Variants in FBXO7 observed in about 807,000 individuals in gnomAD.
The protein encoded by FBXO7 is F-box only protein 7.
In FBXO7, 31 loss-of-function variants were observed where a neutral mutation model predicts 50.2. The observed-to-expected ratio is 0.62, with a 90% confidence interval of 0.46 to 0.83. The LOEUF is 0.83. FBXO7 is among the 40% of genes least tolerant of loss of function. The pLI, the probability that FBXO7 is intolerant of heterozygous loss-of-function variation, is 0.00. For synonymous variants in FBXO7, 256 were observed against 253.1 expected, an observed-to-expected ratio of 1.01 and a Z score of -0.11; for missense variants, 667 against 646.6, an observed-to-expected ratio of 1.03 and a Z score of -0.34.
At position 32,493,350 on chromosome 22, in the gene FBXO7, T is replaced by C; in HGVS notation, c.1144+69T>C. On this transcript the variant is annotated intron_variant, in intron 7 of 8. Coordinates refer to ENST00000266087, the MANE Select transcript of FBXO7 (RefSeq NM_012179.4). ...TCTTGATTACTCAGCTCACCAAAAG[T>C]TTTTAGTTGTAGGATTTTTCTGTTG... 2.2e-6 allele frequency: 3 copies of C among 1,350,202 alleles called. No homozygotes were observed. In the East Asian group the frequency reaches 6.9e-5, roughly 31 times the overall value. 83.6% of individuals were successfully genotyped at this position (1,350,202 alleles called of 1,614,324 possible).
At position 32,491,148 on chromosome 22, in the gene FBXO7, C is replaced by T; in HGVS notation, c.934C>T (p.Leu312=). ...QKLSRLFKDQ[L]VYPLLAFTRQ... The stretch of plus-strand genomic sequence containing the variant: ...ACTCTCTCGCCTCTTTAAAGACCAG[C>T]TGGTGTATCCTCTTCTGGCTTTTAC... Residue 312 remains leucine, a synonymous_variant, in exon 6 of 9, where the codon CTG becomes TTG. Transcript: ENST00000266087. 1 of 1,612,678 alleles carries T rather than the reference C, an allele frequency of 6.2e-7. No individual in the cohort carries two copies. The highest frequency in any genetic ancestry group is 8.5e-7 in the Non-Finnish European group (1 of 1,178,796).
rs11392505 is a variant in FBXO7 at position 32,481,882 on chromosome 22, C to CTT, written c.418-2006_418-2005dup. On this transcript the variant is annotated intron_variant, in intron 2 of 8. Transcript: ENST00000266087. ...CTGTTTAGAGAGGTGTGGTGCTCAC[C>CTT]TTTTTTTTTTCATTTTTACACATGT... 2.3e-3 allele frequency among the ~76,000 whole-genome samples: 335 copies of CTT among 148,318 alleles called. 1 individual carries two copies. Among genetic ancestry groups the CTT allele is most frequent in the South Asian group, 0.017 (78 of 4,708 alleles).
rs770191156 is a variant in FBXO7 at position 32,487,728 on chromosome 22, CTTTT to C, written c.788-16_788-13del. The C allele has an allele frequency of 5.2e-6, 8 of 1,544,346 alleles. No individual in the cohort carries two copies. The highest frequency in any genetic ancestry group is 1.7e-4 in the Middle Eastern group (1 of 5,926). On this transcript the variant is annotated splice_polypyrimidine_tract_variant and intron_variant, in intron 4 of 8. Coordinates refer to ENST00000266087, the MANE Select transcript of FBXO7 (RefSeq NM_012179.4). The stretch of plus-strand genomic sequence containing the variant: ...AGTGACAGAATTCTTTATCATCTTT[CTTTT>C]GTTTATTTACAGCTACACTAAAAAT...
intron 7 of FBXO7, among the ~76,000 whole-genome samples, chr22:32,494,107 T>TAG (rs1555884460): frequency 8.3e-6 from 1 of 120,862 alleles, no homozygotes; most frequent in African/African-American, 3.2e-5. Context: ...ATAGCTCCCT[T>TAG]AAAAAAAAAA....
chr22:32,479,399 T>TC, intron 2 of FBXO7, 124 bp downstream of exon 2: 1 of 882,500 alleles, frequency 1.1e-6, no homozygotes, highest in South Asian at 1.8e-5. Flanking sequence ...ATATATTTTT[T>TC]TCTTTTTTTT....
Position 32,485,111 on chromosome 22 carries a change from T to G in FBXO7, c.689T>G (p.Leu230Trp). Residue 230 changes from leucine (L) to tryptophan (W), a missense_variant, in exon 4 of 9, where the codon TTG becomes TGG. Leu to Trp is a moderately conservative substitution (Grantham distance 61). Coordinates refer to ENST00000266087, the MANE Select transcript of FBXO7 (RefSeq NM_012179.4). ...KALSMPEKWK[L>W]SGVYKLQYMH... ...CTGTCCATGCCGGAGAAGTGGAAGTTGAGCGGGGTGTATAAGCTGCAGTAC... is the reference window on the plus strand; with the variant it reads ...CTGTCCATGCCGGAGAAGTGGAAGTGGAGCGGGGTGTATAAGCTGCAGTAC... 6.2e-7 allele frequency: 1 copy of G among 1,614,222 alleles called. No individual in the cohort carries two copies. Among genetic ancestry groups the G allele is most frequent in the Non-Finnish European group, 8.5e-7 (1 of 1,180,034 alleles).
chr22:32,483,379 G>T (rs1335647707), intron 2 of FBXO7, among the ~76,000 whole-genome samples: 1 of 152,178 alleles, frequency 6.6e-6, no homozygotes, highest in Non-Finnish European at 1.5e-5. Context: ...GTTTATGTTG[G>T]GGAGGTACTG....
In FBXO7 at chr22:32,498,012, T is replaced by G. The variant is rs2146008633; in HGVS notation, c.1183-132T>G. 6.0e-6 allele frequency: 6 copies of G among 1,000,416 alleles called. No homozygotes were observed. In the South Asian group the frequency reaches 9.0e-5, roughly 15 times the overall value. 62.0% of individuals were successfully genotyped at this position (1,000,416 alleles called of 1,614,324 possible). On this transcript the variant is annotated intron_variant, in intron 8 of 8. Coordinates refer to ENST00000266087, the MANE Select transcript of FBXO7 (RefSeq NM_012179.4). ...ATTTGTGTGACTTGGTTTATTGCAT[T>G]GGTTTGGGACTAAATCCACAATATG... is the stretch of plus-strand genomic sequence containing the variant.
intron 2 of FBXO7, 126 bp downstream of exon 2, chr22:32,479,401 CTTTTTTTTTTTT>C: frequency 1.7e-6 from 1 of 572,602 alleles, no homozygotes; most frequent in Non-Finnish European, 2.7e-6. Flanking sequence ...ATATTTTTTT[CTTTTTTTTTTTT>C]TTTGAGACAG....
Position 32,483,915 on chromosome 22 carries a change from T to C in FBXO7, c.436T>C (p.Phe146Leu). The stretch of plus-strand genomic sequence containing the variant: ...TTTTCAGTTAGGGCCTAGTCAAAAT[T>C]TTGAAGCTGAGTCAATTCAAGATAA... ...DDSMLGPSQNFEAESIQDNAH... is the reference protein window; with the variant it reads ...DDSMLGPSQNLEAESIQDNAH... Residue 146 changes from phenylalanine to leucine, a missense_variant, in exon 3 of 9, where the codon TTT becomes CTT. Coordinates refer to ENST00000266087, the MANE Select transcript of FBXO7 (RefSeq NM_012179.4). 1 of 1,614,176 alleles carries C rather than the reference T, an allele frequency of 6.2e-7. No individual in the cohort carries two copies. The highest frequency in any genetic ancestry group is 1.1e-5 in the South Asian group (1 of 91,090).
chr22:32,497,528 C>T (rs918205415), intron 8 of FBXO7, among the ~76,000 whole-genome samples: 1 of 152,130 alleles, frequency 6.6e-6, no homozygotes, highest in African/African-American at 2.4e-5. Flanking sequence ...TTTTCTTTAT[C>T]AGTGGTTTCT....
chr22:32,482,687 T>G (rs1273022135), intron 2 of FBXO7, among the ~76,000 whole-genome samples: 1 of 152,262 alleles, frequency 6.6e-6, no homozygotes, highest in Non-Finnish European at 1.5e-5. Flanking sequence ...AGGATTGTTA[T>G]AAAGTGCAAA....
chr22:32,475,656 C>G (rs1354167188), intron 1 of FBXO7: 1 of 498,514 alleles, frequency 2.0e-6, no homozygotes, highest in Non-Finnish European at 3.5e-6. Flanking sequence ...GAAGCGGCAA[C>G]AATTTTAGAT....
intron 2 of FBXO7, 69 bp from the exon 3 acceptor site, chr22:32,483,828 T>C: frequency 7.0e-7 from 1 of 1,425,660 alleles, no homozygotes; most frequent in Non-Finnish European, 9.8e-7. Context: ...TAGTTCACTT[T>C]AGGATACAAA....
rs2057549427 is a variant in FBXO7, at chr22:32,493,198, C to G, written c.1061C>G (p.Ser354Cys). The change falls in exon 7 of 9, where the codon TCT becomes TGT. Residue 354 changes from serine (S) to cysteine (C), a missense_variant. Physicochemically the swap from Ser to Cys is moderately radical, Grantham distance 112. Transcript: ENST00000266087. Reference protein sequence around the residue: ...FRLLDVRSVLSLSAVCRDLFT... With the variant: ...FRLLDVRSVLCLSAVCRDLFT... ...CTTCTGGATGTTCGTTCCGTCTTGTCTTTGTCTGCGGTTTGTCGTGACCTC... is the reference window on the plus strand; with the variant it reads ...CTTCTGGATGTTCGTTCCGTCTTGTGTTTGTCTGCGGTTTGTCGTGACCTC... 1 of 1,614,024 alleles carries G rather than the reference C, an allele frequency of 6.2e-7. No homozygotes were observed. Among genetic ancestry groups the G allele is most frequent in the Admixed American group, 1.7e-5 (1 of 59,992 alleles).
rs192957014 is a variant in FBXO7, at chr22:32,481,232, A to G, written c.417+1957A>G. 4.1e-3 allele frequency among the ~76,000 whole-genome samples: 622 copies of G among 152,274 alleles called. 3 individuals carry two copies. Among genetic ancestry groups the G allele is most frequent in the Admixed American group, 9.6e-3 (147 of 15,296 alleles). On this transcript the variant is annotated intron_variant, in intron 2 of 8. Coordinates refer to ENST00000266087, the MANE Select transcript of FBXO7 (RefSeq NM_012179.4). ...TGGATTTTAATTTATTTTTAAAGTT[A>G]TTGTTTTATCTGTGTGTTTCTGCCT... is the stretch of plus-strand genomic sequence containing the variant.
intron 7 of FBXO7, 94 bp downstream of exon 7, chr22:32,493,375 G>T: frequency 9.9e-7 from 1 of 1,008,100 alleles, no homozygotes; most frequent in Non-Finnish European, 1.6e-6. Context: ...TTTTTCTGTT[G>T]CAAATGATTA....
chr22:32,480,883 C>G (rs1014536433), intron 2 of FBXO7, among the ~76,000 whole-genome samples: 3 of 152,150 alleles, frequency 2.0e-5, no homozygotes, highest in African/African-American at 7.2e-5. Flanking sequence ...TCAGGCTGGT[C>G]TTGAACTCCT....
Sources: gnomAD v4.1 joint callset for allele counts (sites outside exome capture counted in the v4.1 genomes callset) on GRCh38, gnomAD v4.1.1 for gene constraint, MANE v1.5 for transcripts, NCBI Gene and HGNC (gene_info 2026-07-23, HGNC 2026-07-21) for gene names.